The following UGT3A2 variants were observed in gnomAD, a reference collection of about 807,000 sequenced individuals.
UGT3A2 encodes UDP glycosyltransferase family 3 member A2.
In UGT3A2, 32 loss-of-function variants were observed where a neutral mutation model predicts 39.8. The ratio of observed to expected loss-of-function variants is 0.80; its 90% CI spans 0.61 to 1.08. UGT3A2 has a LOEUF of 1.08. Among genes scored for constraint, UGT3A2 ranks in the 50% least tolerant of loss-of-function variants. The pLI is 0.00. For synonymous variants in UGT3A2, 241 were observed against 230.7 expected, an observed-to-expected ratio of 1.04 and a Z score of -0.40; for missense variants, 611 against 637.1, an observed-to-expected ratio of 0.96 and a Z score of 0.44.
intron 4 of UGT3A2, among the ~76,000 whole-genome samples, chr5:36,040,003 T>C (rs530175714): frequency 8.3e-4 from 127 of 152,208 alleles, no homozygotes; most frequent in African/African-American, 2.9e-3. Context: ...CTAGAGGTAA[T>C]AGTATCTGGA....
chr5:36,063,752 C>T (rs1742790136), intron 2 of UGT3A2, among the ~76,000 whole-genome samples: 1 of 152,288 alleles, frequency 6.6e-6, no homozygotes, highest in Non-Finnish European at 1.5e-5. Flanking sequence ...CCTCCACCCT[C>T]AGCCTCCCAA....
intron 2 of UGT3A2, among the ~76,000 whole-genome samples, chr5:36,062,741 G>A (rs962588494): frequency 6.6e-6 from 1 of 152,070 alleles, no homozygotes; most frequent in Non-Finnish European, 1.5e-5. Flanking sequence ...AGAAAATGTA[G>A]ATTAAAAAAT....
At chr5:36,059,982 T>C (rs1742636474) in intron 2 of UGT3A2, among the ~76,000 whole-genome samples, 1 of 152,136 alleles carries the variant, frequency 6.6e-6, no homozygotes, top group Non-Finnish European at 1.5e-5. Flanking sequence ...GTACAAGCCA[T>C]GAGCCAGTTG....
intron 2 of UGT3A2, among the ~76,000 whole-genome samples, chr5:36,063,947 AT>A (rs1329238532): frequency 3.3e-5 from 5 of 152,058 alleles, no homozygotes; most frequent in Admixed American, 6.6e-5. Context: ...TGTTTAATAT[AT>A]TTTTTAAGCC....
chr5:36,057,529 C>T lies in UGT3A2; in HGVS notation c.197-5545G>A, dbSNP rs1742551595. On this transcript the variant is annotated intron_variant, in intron 2 of 6. Coordinates refer to ENST00000282507, the MANE Select transcript of UGT3A2 (RefSeq NM_174914.4). ...AGCTTTCAGTAGTTTCTCTCTCTCT[C>T]TCTCTCTCTTTTTTTTTTTTTTCTC... Among the ~76,000 whole-genome samples, 4 of 149,704 alleles carry T rather than the reference C, an allele frequency of 2.7e-5. No homozygotes were observed. In the South Asian group the frequency reaches 8.4e-4, roughly 31 times the overall value.
intron 2 of UGT3A2, among the ~76,000 whole-genome samples, chr5:36,060,562 G>A (rs773156084): frequency 3.8e-4 from 58 of 152,268 alleles, no homozygotes; most frequent in Admixed American, 1.3e-3. Flanking sequence ...GAAGCTCAGC[G>A]GCTGCCTTTG....
At chr5:36,041,197 A>G (rs1033419542) in intron 4 of UGT3A2, among the ~76,000 whole-genome samples, 7 of 151,690 alleles carry the variant, frequency 4.6e-5, no homozygotes, top group Non-Finnish European at 8.8e-5. Context: ...CATGGGCGAG[A>G]CTCCTGCTTT....
At chr5:36,058,832 T>C (rs561742674) in intron 2 of UGT3A2, among the ~76,000 whole-genome samples, 35 of 152,156 alleles carry the variant, frequency 2.3e-4, no homozygotes, top group Non-Finnish European at 3.8e-4. Flanking sequence ...GTAAGAGTAA[T>C]GTCTCTCATA....
chr5:36,052,076 T>G (rs1465237894), intron 2 of UGT3A2, 92 bp from the exon 3 acceptor site: 12 of 770,700 alleles, frequency 1.6e-5, no homozygotes, highest in Admixed American at 3.2e-5. Context: ...ATTTCAAAGA[T>G]TATGTATGTA....
chr5:36,050,378 T>C (rs1742305319), intron 3 of UGT3A2, among the ~76,000 whole-genome samples: 1 of 152,204 alleles, frequency 6.6e-6, no homozygotes, highest in South Asian at 2.1e-4. Flanking sequence ...GCAAGAGCTC[T>C]AGATATCAGA....
chr5:36,035,811 C>T lies in UGT3A2; in HGVS notation c.1459G>A (p.Asp487Asn), dbSNP rs774867868. 5 of 1,614,008 alleles carry T rather than the reference C, an allele frequency of 3.1e-6. No individual in the cohort carries two copies. The highest frequency in any genetic ancestry group is 1.7e-5 in the Admixed American group (1 of 60,006). ...AGCCCCAGCAGAAACACAAAAACGT[C>T]GAGCAGGTACTGCTCATGCCAGGGC... The part of the protein sequence containing the change: ...QQPWHEQYLL[D>N]VFVFLLGLTL... The change falls in exon 7 of 7, where the codon GAC (aspartate) becomes AAC (asparagine). Residue 487 changes from aspartate to asparagine, a missense_variant. Transcript: ENST00000282507.
intron 4 of UGT3A2, among the ~76,000 whole-genome samples, chr5:36,040,237 G>C (rs190493678): frequency 6.2e-4 from 95 of 152,214 alleles, no homozygotes; most frequent in African/African-American, 2.2e-3. Flanking sequence ...CTCTACCTCA[G>C]TAGTTCACCC....
intron 4 of UGT3A2, among the ~76,000 whole-genome samples, chr5:36,047,753 C>T (rs1012709469): frequency 6.6e-6 from 1 of 152,158 alleles, no homozygotes; most frequent in African/African-American, 2.4e-5. Flanking sequence ...TGGTGGAGGC[C>T]TGATCCACCC....
intron 2 of UGT3A2, among the ~76,000 whole-genome samples, chr5:36,063,561 A>G (rs1234306883): frequency 6.6e-6 from 1 of 152,208 alleles, no homozygotes; most frequent in Non-Finnish European, 1.5e-5. Context: ...TAAAAAGAGG[A>G]AAAGTAATCT....
rs559180785 is a variant in UGT3A2 at position 36,048,037 on chromosome 5, G to T, written c.843+852C>A. Among the ~76,000 whole-genome samples the T allele has an allele frequency of 1.2e-4, 18 of 152,272 alleles. No individual in the cohort carries two copies. In the South Asian group the frequency reaches 3.5e-3, roughly 30 times the overall value. ...CTCAGTGCAAGTTAAAAGAGTAGAC[G>T]CTTGGGTGGCTGCAAAGTCCAGGCC... On this transcript the variant is annotated intron_variant, in intron 4 of 6. Coordinates refer to ENST00000282507, the MANE Select transcript of UGT3A2 (RefSeq NM_174914.4).
intron 2 of UGT3A2, among the ~76,000 whole-genome samples, chr5:36,063,223 C>CT (rs1217830031): frequency 6.6e-6 from 1 of 152,014 alleles, no homozygotes; most frequent in African/African-American, 2.4e-5. Context: ...GGAGTTTGGG[C>CT]TTTTCCCTGA....
At chr5:36,043,836 A>G (rs946304113) in intron 4 of UGT3A2, among the ~76,000 whole-genome samples, 5 of 152,116 alleles carry the variant, frequency 3.3e-5, no homozygotes, top group Admixed American at 3.3e-4. Flanking sequence ...CAGACCAATA[A>G]CAAGTAACGA....
At chr5:36,066,283 C>T (rs1317101426) in intron 1 of UGT3A2, among the ~76,000 whole-genome samples, 1 of 152,280 alleles carries the variant, frequency 6.6e-6, no homozygotes, top group East Asian at 1.9e-4. Flanking sequence ...AGCCTGAAAA[C>T]GCTCACCACT....
chr5:36,064,786 G>A lies in UGT3A2; in HGVS notation c.95-436C>T, dbSNP rs573595791. On this transcript the variant is annotated intron_variant, in intron 1 of 6. Transcript: ENST00000282507. ...AAAAAACAATGAGAGCTGTTTCTGG[G>A]ATCCTGCTCTTTGGACATTTCTGCT... Among the ~76,000 whole-genome samples, 4 of 152,306 alleles carry A rather than the reference G, an allele frequency of 2.6e-5. No homozygotes were observed. The South Asian group carries it at 6.2e-4, about 24-fold the overall frequency.
Sources: allele counts gnomAD v4.1 joint callset (sites outside exome capture counted in the v4.1 genomes callset), GRCh38; gene constraint gnomAD v4.1.1; transcripts MANE v1.5; gene names NCBI Gene and HGNC (gene_info 2026-07-23, HGNC 2026-07-21).